The following CNTN1 variants were observed in gnomAD, a reference collection of about 807,000 sequenced individuals.
CNTN1 encodes contactin 1.
Under a neutral mutation model 126.4 loss-of-function variants are expected in CNTN1, and 38 were observed. The observed-to-expected ratio is 0.30, with a 90% CI of 0.23 to 0.39. The LOEUF (loss-of-function observed/expected upper bound fraction) is 0.39. Ranked by LOEUF, CNTN1 falls within the 10% of genes least tolerant of loss-of-function variation. CNTN1 has a pLI of 1.00. For missense variants in CNTN1, 1,009 were observed against 1,248.4 expected (o/e 0.81, Z 2.89); for synonymous variants, 413 against 422.6 (o/e 0.98, Z 0.28).
At chr12:40,795,860 T>C (rs1345411148) in intron 1 of CNTN1, among the ~76,000 whole-genome samples, 1 of 152,128 alleles carries the variant, frequency 6.6e-6, no homozygotes, top group Non-Finnish European at 1.5e-5. Flanking sequence ...ATGTGCTAAG[T>C]GTTTTTTAAA....
intron 1 of CNTN1, among the ~76,000 whole-genome samples, chr12:40,875,174 A>G (rs1212396569): frequency 1.3e-5 from 2 of 152,134 alleles, no homozygotes; most frequent in African/African-American, 2.4e-5. Flanking sequence ...CTAGACATAA[A>G]TATTGTTTAA....
chr12:40,963,017 C>T (rs898038135), intron 15 of CNTN1, among the ~76,000 whole-genome samples: 7 of 152,022 alleles, frequency 4.6e-5, no homozygotes, highest in Non-Finnish European at 8.8e-5. Context: ...ACATTTGTGT[C>T]GTCACAACCC....
chr12:40,798,421 C>A (rs1033619811), intron 1 of CNTN1, among the ~76,000 whole-genome samples: 4 of 151,968 alleles, frequency 2.6e-5, no homozygotes, highest in South Asian at 2.1e-4. Flanking sequence ...CAAAGCTGCA[C>A]AAATTCATTG....
chr12:40,767,608 CTTTTTTTG>C (rs1381902298), intron 1 of CNTN1, among the ~76,000 whole-genome samples: 1 of 134,364 alleles, frequency 7.4e-6, no homozygotes, highest in Non-Finnish European at 1.6e-5. Context: ...GCTCCTGGCC[CTTTTTTTG>C]TTTGTTTGTT....
chr12:40,725,758 T>A (rs544609632), intron 1 of CNTN1, among the ~76,000 whole-genome samples: 3 of 152,288 alleles, frequency 2.0e-5, no homozygotes, highest in Admixed American at 2.0e-4. Flanking sequence ...CTCTCACTTA[T>A]TGTTTTGGTG....
At chr12:40,979,566 G>C (rs1323242700) in intron 15 of CNTN1, among the ~76,000 whole-genome samples, 1 of 151,878 alleles carries the variant, frequency 6.6e-6, no homozygotes, top group African/African-American at 2.4e-5. Flanking sequence ...AAATCAATTG[G>C]GGGTGGACTC....
At chr12:40,820,465 T>C (rs546221772) in intron 1 of CNTN1, among the ~76,000 whole-genome samples, 1 of 152,300 alleles carries the variant, frequency 6.6e-6, no homozygotes, top group Non-Finnish European at 1.5e-5. Context: ...AGAGTGACTA[T>C]AGGACCTGGA....
In CNTN1 at chr12:41,027,889, G is replaced by A. The variant is rs763348624; in HGVS notation, c.2743G>A (p.Val915Ile). 1.2e-6 allele frequency: 2 copies of A among 1,613,818 alleles called. No homozygotes were observed. The highest frequency in any genetic ancestry group is 1.7e-6 in the Non-Finnish European group (2 of 1,179,740). The change falls in exon 22 of 24, where the codon GTA (valine) becomes ATA (isoleucine). Residue 915 changes from valine (V) to isoleucine (I), a missense_variant. Physicochemically the swap from Val to Ile is conservative, Grantham distance 29 (BLOSUM62 3). Coordinates refer to ENST00000551295, the MANE Select transcript of CNTN1 (RefSeq NM_001843.4). ...CCAGCCTCCAAGGATCATCAGTTCAGTAAGGTCTGGTTCACGCTATATAAT... is the reference window on the plus strand; with the variant it reads ...CCAGCCTCCAAGGATCATCAGTTCAATAAGGTCTGGTTCACGCTATATAAT... ...PSQPPRIISS[V>I]RSGSRYIITW... is the part of the protein sequence containing the mutation.
At chr12:40,819,050 C>T (rs773887119) in intron 1 of CNTN1, among the ~76,000 whole-genome samples, 6 of 152,116 alleles carry the variant, frequency 3.9e-5, no homozygotes, top group Non-Finnish European at 8.8e-5. Flanking sequence ...AAGATGGGTG[C>T]CTGCTCCTTC....
At chr12:40,832,058 G>A (rs1244347079) in intron 1 of CNTN1, among the ~76,000 whole-genome samples, 3 of 152,132 alleles carry the variant, frequency 2.0e-5, no homozygotes, top group Non-Finnish European at 4.4e-5. Context: ...GTGTAGTTGA[G>A]AATAAACAAG....
intron 1 of CNTN1, among the ~76,000 whole-genome samples, chr12:40,850,866 C>A (rs1942691792): frequency 6.6e-6 from 1 of 152,190 alleles, no homozygotes; most frequent in Non-Finnish European, 1.5e-5. Context: ...CCATTTTATT[C>A]TTTTTCATTT....
At chr12:40,877,773 C>A (rs756541190) in intron 1 of CNTN1, among the ~76,000 whole-genome samples, 3 of 152,026 alleles carry the variant, frequency 2.0e-5, no homozygotes, top group Non-Finnish European at 4.4e-5. Flanking sequence ...GCCTGTTTTT[C>A]TGATACTTAC....
chr12:41,033,982 G>A (rs970086373), intron 23 of CNTN1, among the ~76,000 whole-genome samples: 22 of 151,912 alleles, frequency 1.4e-4, no homozygotes, highest in Admixed American at 5.9e-4. Context: ...TCCAAGAGGC[G>A]GAGCTTGCAG....
intron 14 of CNTN1, among the ~76,000 whole-genome samples, chr12:40,951,601 C>T (rs962259509): frequency 4.0e-5 from 6 of 150,242 alleles, no homozygotes; most frequent in Non-Finnish European, 7.4e-5. Flanking sequence ...CCCAGCTACT[C>T]GAGAGGCTGA....
intron 15 of CNTN1, among the ~76,000 whole-genome samples, chr12:40,962,103 G>A (rs1288110332): frequency 6.6e-6 from 1 of 152,034 alleles, no homozygotes; most frequent in Non-Finnish European, 1.5e-5. Flanking sequence ...TTATTTCTGT[G>A]TATAAATGAT....
chr12:40,959,386 A>G (rs975031720), intron 15 of CNTN1, 152 bp downstream of exon 15: 1 of 831,894 alleles, frequency 1.2e-6, no homozygotes, highest in Non-Finnish European at 1.9e-6. Context: ...TCCCATGCCT[A>G]AGAATGATCT....
intron 7 of CNTN1, 71 bp downstream of exon 7, chr12:40,930,073 A>G: frequency 1.7e-6 from 2 of 1,207,902 alleles, no homozygotes; most frequent in South Asian, 1.2e-5. Context: ...CGTAATGAAA[A>G]GAAATATCCA....
intron 16 of CNTN1, among the ~76,000 whole-genome samples, chr12:40,988,107 G>C (rs157271): frequency 5.9e-5 from 9 of 152,066 alleles, no homozygotes; most frequent in African/African-American, 2.2e-4. Context: ...ATGGAAATTT[G>C]CCTAACCTAT....
intron 23 of CNTN1, among the ~76,000 whole-genome samples, chr12:41,044,782 C>T (rs555444560): frequency 1.1e-4 from 16 of 151,936 alleles, no homozygotes; most frequent in East Asian, 1.9e-4. Flanking sequence ...GAAGAATTTT[C>T]GGAGAATGAA....
Sources: allele counts gnomAD v4.1 joint callset (sites outside exome capture counted in the v4.1 genomes callset), GRCh38; gene constraint gnomAD v4.1.1; transcripts MANE v1.5; gene names NCBI Gene and HGNC (gene_info 2026-07-23, HGNC 2026-07-21).